The following SORD variants were observed in gnomAD, a reference collection of about 807,000 sequenced individuals.
The protein encoded by SORD is (R,R)-butanediol dehydrogenase.
In SORD, 18 loss-of-function variants were observed where a neutral mutation model predicts 35.6. That is an observed-to-expected ratio of 0.51 (90% CI 0.35 to 0.75). The LOEUF (loss-of-function observed/expected upper bound fraction) is 0.75, where lower values mean the gene tolerates loss of function less well. Among genes scored for constraint, SORD ranks in the 30% least tolerant of loss-of-function variants. The pLI is 0.01. For synonymous variants in SORD, 106 were observed against 152.9 expected, an observed-to-expected ratio of 0.69 and a Z score of 2.26; for missense variants, 250 against 390.2, an observed-to-expected ratio of 0.64 and a Z score of 3.03.
At chr15:45,064,555 A>G (rs781319454) in intron 4 of SORD, among the ~76,000 whole-genome samples, 1 of 152,192 alleles carries the variant, frequency 6.6e-6, no homozygotes, top group Non-Finnish European at 1.5e-5. Context: ...ACTGCATTTA[A>G]TCAGCTTTGT....
intron 1 of SORD, among the ~76,000 whole-genome samples, chr15:45,023,950 A>AC (rs1892630935): frequency 6.6e-6 from 1 of 152,128 alleles, no homozygotes. Flanking sequence ...AGACTTGTGG[A>AC]TCTTGATAGC....
chr15:45,034,275 G>A (rs1420592348), intron 1 of SORD, among the ~76,000 whole-genome samples: 1 of 152,114 alleles, frequency 6.6e-6, no homozygotes, highest in Non-Finnish European at 1.5e-5. Flanking sequence ...GGGAAGCCTG[G>A]GTTGCATGTT....
chr15:45,048,479 CAGG>C (rs1329331678), intron 3 of SORD, among the ~76,000 whole-genome samples: 1 of 152,144 alleles, frequency 6.6e-6, no homozygotes, highest in Non-Finnish European at 1.5e-5. Context: ...GAGGCCAAGG[CAGG>C]AGGATTGCTT....
At chr15:45,030,225 G>A (rs1892753567) in intron 1 of SORD, among the ~76,000 whole-genome samples, 1 of 152,220 alleles carries the variant, frequency 6.6e-6, no homozygotes, top group South Asian at 2.1e-4. Context: ...GCTATCAAAA[G>A]CAGGAGAAGA....
intron 4 of SORD, 107 bp downstream of exon 4, chr15:45,061,333 A>G: frequency 8.0e-7 from 1 of 1,242,880 alleles, no homozygotes; most frequent in Non-Finnish European, 1.1e-6. Flanking sequence ...ATAATTCCAA[A>G]CATGAGGCAT....
At chr15:45,045,544 C>CAAAAA (rs58487905) in intron 3 of SORD, among the ~76,000 whole-genome samples, 1 of 62,808 alleles carries the variant, frequency 1.6e-5, no homozygotes, top group African/African-American at 6.2e-5. Context: ...GACTCCATCT[C>CAAAAA]AAAAAAAAAA....
At chr15:45,034,950 C>G (rs1401911117) in intron 1 of SORD, among the ~76,000 whole-genome samples, 3 of 152,344 alleles carry the variant, frequency 2.0e-5, no homozygotes, top group African/African-American at 7.2e-5. Context: ...CCCTGCGGTT[C>G]CCGGGCAATG....
intron 4 of SORD, among the ~76,000 whole-genome samples, chr15:45,064,341 C>G (rs1486755297): frequency 6.6e-6 from 1 of 152,180 alleles, no homozygotes; most frequent in Non-Finnish European, 1.5e-5. Context: ...TTTCAGTTTC[C>G]TCTTCTGTAA....
intron 1 of SORD, among the ~76,000 whole-genome samples, chr15:45,023,679 T>C (rs1159958008): frequency 6.6e-6 from 1 of 152,232 alleles, no homozygotes; most frequent in African/African-American, 2.4e-5. Context: ...TCATTGACCT[T>C]TCCAAAGGAA....
chr15:45,071,742 A>G (rs2141128960), intron 7 of SORD, among the ~76,000 whole-genome samples: 1 of 143,238 alleles, frequency 7.0e-6, no homozygotes, highest in South Asian at 2.5e-4. Context: ...GATAAGGCAG[A>G]TAAACATTCA....
In SORD at chr15:45,073,670, A is replaced by T; in HGVS notation, c.*140A>T. On this transcript the variant is annotated 3_prime_UTR_variant, in exon 9 of 9. Coordinates refer to ENST00000267814, the MANE Select transcript of SORD (RefSeq NM_003104.6). ...CAATTCATTGTGAACAGAAGTCCTT[A>T]AGCAGAGGAATTGGTGTGCCTTAAA... The T allele has an allele frequency of 7.2e-7, 1 of 1,382,864 alleles. No homozygotes were observed. Among genetic ancestry groups the T allele is most frequent in the Non-Finnish European group, 9.6e-7 (1 of 1,039,932 alleles). 85.7% of individuals were successfully genotyped at this position (1,382,864 alleles called of 1,614,324 possible). A position where few individuals can be genotyped will look rare whatever the true frequency, so the allele number is the denominator to read the frequency against.
intron 1 of SORD, among the ~76,000 whole-genome samples, chr15:45,032,525 AAAG>A (rs1362540435): frequency 6.6e-6 from 1 of 152,056 alleles, no homozygotes; most frequent in Admixed American, 6.6e-5. Context: ...GCGGGATCTG[AAAG>A]AAGGAGAGGG....
chr15:45,061,384 G>A (rs1465517439), intron 4 of SORD, among the ~76,000 whole-genome samples, 158 bp downstream of exon 4: 1 of 152,124 alleles, frequency 6.6e-6, no homozygotes, highest in Non-Finnish European at 1.5e-5. Context: ...TTGAGAGAGG[G>A]TAGCCTCCCT....
chr15:45,025,780 G>A (rs116833727), intron 1 of SORD, among the ~76,000 whole-genome samples: 2,251 of 152,266 alleles, frequency 0.015, 42 homozygotes, highest in African/African-American at 0.05. Flanking sequence ...GTACTGCACT[G>A]CCCCGCCACC....
chr15:45,070,765 C>T (rs558884105), intron 7 of SORD: 1 of 152,192 alleles, frequency 6.6e-6, no homozygotes, highest in African/African-American at 2.4e-5. Context: ...TAAGTGACCT[C>T]CACCCCGCAG....
chr15:45,066,384 T>A (rs1429999154), intron 5 of SORD, among the ~76,000 whole-genome samples: 2 of 151,666 alleles, frequency 1.3e-5, no homozygotes, highest in African/African-American at 4.8e-5. Context: ...CGATCTTGGC[T>A]CACTGCAACC....
chr15:45,050,121 C>T (rs894124363), intron 3 of SORD, among the ~76,000 whole-genome samples: 1 of 152,172 alleles, frequency 6.6e-6, no homozygotes, highest in Non-Finnish European at 1.5e-5. Context: ...CTCGCACTCT[C>T]GCCCAGGCTG....
rs1187302727 is a variant in SORD at position 45,074,193 on chromosome 15, G to A, written c.*663G>A. The A allele has an allele frequency of 1.4e-4, 20 of 144,646 alleles. No homozygotes were observed. The East Asian group carries it at 4.0e-3, about 29-fold the overall frequency. The allele number at this position is 144,646 out of a possible 1,614,324, so 9.0% of individuals were successfully genotyped here. A position where few individuals can be genotyped will look rare whatever the true frequency, so the allele number is the denominator to read the frequency against. Reference sequence around the variant, plus strand: ...TCCCCTAATGTGGAAAAAGTAAGAGGACTACTCAGCACTGTTTGAAGATTG... The same window carrying A: ...TCCCCTAATGTGGAAAAAGTAAGAGAACTACTCAGCACTGTTTGAAGATTG... On this transcript the variant is annotated 3_prime_UTR_variant, in exon 9 of 9. Coordinates refer to ENST00000267814, the MANE Select transcript of SORD (RefSeq NM_003104.6).
rs769811294 is a variant in SORD at position 45,068,906 on chromosome 15, A to G, written c.640A>G (p.Lys214Glu). ...DLSATRLSKA[K>E]EIGADLVLQI... is the part of the protein sequence containing the mutation. Reference sequence around the variant, plus strand: ...GTCTGCTACCCGATTGTCCAAAGCCAAGGAGATTGGGGCTGATTTAGTCCT... The same window carrying G: ...GTCTGCTACCCGATTGTCCAAAGCCGAGGAGATTGGGGCTGATTTAGTCCT... Residue 214 changes from lysine (K) to glutamate (E), a missense_variant, in exon 7 of 9, where the codon AAG (lysine) becomes GAG (glutamate). Around this residue, in one of 8 missense-constraint regions of SORD, gnomAD observed 7 missense variants for 27.4 expected, o/e 0.26. Coordinates refer to ENST00000267814, the MANE Select transcript of SORD (RefSeq NM_003104.6). 41 of 1,562,582 alleles carry G rather than the reference A, an allele frequency of 2.6e-5. 1 individual carries two copies. The highest frequency in any genetic ancestry group is 3.2e-5 in the Non-Finnish European group (37 of 1,156,194).
Sources: allele counts gnomAD v4.1 joint callset (sites outside exome capture counted in the v4.1 genomes callset), GRCh38; gene constraint gnomAD v4.1.1; regional missense constraint gnomAD v4.1.1; transcripts MANE v1.5; gene names NCBI Gene and HGNC (gene_info 2026-07-23, HGNC 2026-07-21).